Variants in KIF2A observed in about 807,000 individuals in gnomAD.
KIF2A encodes the protein kinesin family member 2A.
In KIF2A, 22 loss-of-function variants were observed where a neutral mutation model predicts 100.2. The observed-to-expected ratio is 0.22, with a 90% confidence interval of 0.16 to 0.31. The LOEUF (loss-of-function observed/expected upper bound fraction) is 0.31. KIF2A is among the 10% of genes least tolerant of loss of function. KIF2A has a pLI of 1.00. For missense variants in KIF2A, 495 were observed against 898.7 expected, an observed-to-expected ratio of 0.55 and a Z score of 5.74; for synonymous variants, 268 against 285.9, an observed-to-expected ratio of 0.94 and a Z score of 0.63.
At chr5:62,348,787 C>T (rs903308658) in intron 3 of KIF2A, among the ~76,000 whole-genome samples, 3 of 152,132 alleles carry the variant, frequency 2.0e-5, no homozygotes, top group African/African-American at 7.2e-5. Flanking sequence ...GGTAGTATTG[C>T]AAAGTTGTTG....
rs1453330225 is a variant in KIF2A, at chr5:62,315,272, GCAACCCACCACAGC to G, written c.64+8740_64+8753del. 2.1e-4 allele frequency among the ~76,000 whole-genome samples: 25 copies of G among 117,524 alleles called. No homozygotes were observed. In the East Asian group the frequency reaches 5.7e-3, roughly 27 times the overall value. 77.1% of individuals were successfully genotyped at this position (117,524 alleles called of 152,430 possible). A position where few individuals can be genotyped will look rare whatever the true frequency, so the allele number is the denominator to read the frequency against. ...ACCAAAAAAAAAAAAAAAAAAAAAA[GCAACCCACCACAGC>G]CAATATCTGGTTCCTTTGCCTAGAG... On this transcript the variant is annotated intron_variant, in intron 1 of 20. Coordinates refer to ENST00000407818, the MANE Select transcript of KIF2A (RefSeq NM_001098511.3).
Position 62,306,413 on chromosome 5 carries a change from CGCCTTTTCCG to C in KIF2A, c.-59_-50del. 1 of 1,261,884 alleles carries C rather than the reference CGCCTTTTCCG, an allele frequency of 7.9e-7. No individual in the cohort carries two copies. Among genetic ancestry groups the C allele is most frequent in the South Asian group, 1.3e-5 (1 of 76,126 alleles). 78.2% of individuals were successfully genotyped at this position (1,261,884 alleles called of 1,614,324 possible). ...TCCCACACCTACCCCGCCCCCTCCC[CGCCTTTTCCG>C]CCCTCCGGTCCCCCTCCCTCGGCCC... On this transcript the variant is annotated 5_prime_UTR_variant, in exon 1 of 21. Coordinates refer to ENST00000407818, the MANE Select transcript of KIF2A (RefSeq NM_001098511.3).
intron 12 of KIF2A, 99 bp from the exon 13 acceptor site, chr5:62,363,079 C>T: frequency 1.0e-6 from 1 of 971,936 alleles, no homozygotes; most frequent in Non-Finnish European, 1.5e-6. Context: ...CCTCCTGCCT[C>T]AGCCTCCCAA....
intron 16 of KIF2A, among the ~76,000 whole-genome samples, chr5:62,368,646 A>G (rs1490337188): frequency 1.3e-5 from 2 of 152,034 alleles, no homozygotes; most frequent in Non-Finnish European, 2.9e-5. Context: ...GCATGGTGGC[A>G]TGCATCTGTA....
intron 14 of KIF2A, among the ~76,000 whole-genome samples, chr5:62,364,574 C>T (rs1452977220): frequency 6.6e-6 from 1 of 152,146 alleles, no homozygotes; most frequent in Non-Finnish European, 1.5e-5. Flanking sequence ...ACATCTTTTC[C>T]TTGAGTAGAA....
At chr5:62,351,112 G>C (rs905787970) in intron 4 of KIF2A, among the ~76,000 whole-genome samples, 1 of 150,068 alleles carries the variant, frequency 6.7e-6, no homozygotes, top group East Asian at 2.0e-4. Context: ...CATACCTGTA[G>C]TCTCAGCTAC....
rs752847652 is a variant in KIF2A, at chr5:62,352,720, T to C, written c.457+10T>C. 6.2e-7 allele frequency: 1 copy of C among 1,608,082 alleles called. No homozygotes were observed. The highest frequency in any genetic ancestry group is 2.2e-5 in the East Asian group (1 of 44,726). On this transcript the variant is annotated intron_variant, in intron 5 of 20. Coordinates refer to ENST00000407818, the MANE Select transcript of KIF2A (RefSeq NM_001098511.3). ...GAATTTGGACCCCCTTGTATGTAAATTATGTATCAAGGATTTAGTCATTTT... is the reference window on the plus strand; with the variant it reads ...GAATTTGGACCCCCTTGTATGTAAACTATGTATCAAGGATTTAGTCATTTT...
At position 62,355,234 on chromosome 5, in the gene KIF2A, C is replaced by A; in HGVS notation, c.634C>A (p.Pro212Thr). The A allele has an allele frequency of 6.4e-7, 1 of 1,551,944 alleles. No homozygotes were observed. Among genetic ancestry groups the A allele is most frequent in the Non-Finnish European group, 8.9e-7 (1 of 1,126,016 alleles). ...CTTTAGAGGAAGTTTGGATTATAGA[C>A]CATTAACAACAGCAGATCCTGTAAG... is the stretch of plus-strand genomic sequence containing the variant. ...RDFRGSLDYR[P>T]LTTADPIDEH... The change falls in exon 7 of 21, where the codon CCA becomes ACA. Residue 212 changes from proline to threonine, a missense_variant. Physicochemically the swap from Pro to Thr is conservative, Grantham distance 38. Transcript: ENST00000407818.
intron 7 of KIF2A, among the ~76,000 whole-genome samples, chr5:62,357,244 C>T (rs894891120): frequency 2.6e-5 from 4 of 151,646 alleles, no homozygotes; most frequent in African/African-American, 4.8e-5. Flanking sequence ...CCACCACTCC[C>T]GGCTAATTTT....
intron 9 of KIF2A, among the ~76,000 whole-genome samples, chr5:62,360,608 C>T (rs1451030974): frequency 6.6e-6 from 1 of 152,060 alleles, no homozygotes; most frequent in Non-Finnish European, 1.5e-5. Flanking sequence ...TCACTTGAAC[C>T]CGGGAGGCGG....
chr5:62,390,825 G>A lies in KIF2A; in HGVS notation c.*5256G>A. On this transcript the variant is annotated 3_prime_UTR_variant, in exon 21 of 21. Coordinates refer to ENST00000407818, the MANE Select transcript of KIF2A (RefSeq NM_001098511.3). ...AAGCCTTTAAAATCTCCAATCTGAA[G>A]GTGTCACAGTAAAGAAATGTAAACA... 2.1e-6 allele frequency: 3 copies of A among 1,439,368 alleles called. No homozygotes were observed. Among genetic ancestry groups the A allele is most frequent in the Non-Finnish European group, 2.9e-6 (3 of 1,022,564 alleles). The allele number at this position is 1,439,368 out of a possible 1,614,324, so 89.2% of individuals were successfully genotyped here. A position where few individuals can be genotyped will look rare whatever the true frequency, so the allele number is the denominator to read the frequency against.
chr5:62,322,584 A>G (rs1368438858), intron 1 of KIF2A, among the ~76,000 whole-genome samples: 6 of 152,208 alleles, frequency 3.9e-5, no homozygotes, highest in African/African-American at 1.2e-4. Flanking sequence ...CAAATTAAGC[A>G]TTTGACAGCA....
intron 1 of KIF2A, among the ~76,000 whole-genome samples, chr5:62,343,577 G>C (rs1305559843): frequency 1.3e-5 from 2 of 152,154 alleles, no homozygotes; most frequent in Non-Finnish European, 2.9e-5. Context: ...TGTGAGATGG[G>C]GGAGTCATTG....
intron 1 of KIF2A, among the ~76,000 whole-genome samples, chr5:62,343,042 G>A (rs989754956): frequency 2.6e-5 from 4 of 152,032 alleles, no homozygotes; most frequent in Admixed American, 6.6e-5. Context: ...GTGAGCCACC[G>A]CACCCAGCCT....
chr5:62,332,656 T>C (rs1746712395), intron 1 of KIF2A, among the ~76,000 whole-genome samples: 1 of 152,156 alleles, frequency 6.6e-6, no homozygotes, highest in Non-Finnish European at 1.5e-5. Flanking sequence ...TTTTTTTAGG[T>C]CAAATGGTTG....
chr5:62,354,810 T>C (rs1265845355), intron 6 of KIF2A, among the ~76,000 whole-genome samples: 2 of 152,170 alleles, frequency 1.3e-5, no homozygotes, highest in African/African-American at 2.4e-5. Context: ...AGTGGTAACA[T>C]GAGCATTATT....
intron 1 of KIF2A, among the ~76,000 whole-genome samples, chr5:62,326,928 C>T (rs568981705): frequency 2.0e-5 from 3 of 152,114 alleles, no homozygotes; most frequent in South Asian, 2.1e-4. Flanking sequence ...GCCGGGGAGG[C>T]GGAGATTGCA....
chr5:62,311,083 G>A (rs972945267), intron 1 of KIF2A, among the ~76,000 whole-genome samples: 2 of 152,144 alleles, frequency 1.3e-5, no homozygotes, highest in African/African-American at 4.8e-5. Context: ...GGTTTTTGGA[G>A]ATAAACTAGT....
At position 62,385,585 on chromosome 5, in the gene KIF2A, TA is replaced by T. The variant is rs1741987348; in HGVS notation, c.*19del. ...TGCCCTTTAAACCGGCATTTGCTGC[TA>T]AAGGATACCCAGAACCCTCACTACT... On this transcript the variant is annotated 3_prime_UTR_variant, in exon 21 of 21. Coordinates refer to ENST00000407818, the MANE Select transcript of KIF2A (RefSeq NM_001098511.3). The T allele has an allele frequency of 6.4e-7, 1 of 1,555,844 alleles. No homozygotes were observed. Among genetic ancestry groups the T allele is most frequent in the Non-Finnish European group, 8.7e-7 (1 of 1,143,332 alleles).
Sources: allele counts gnomAD v4.1 joint callset (sites outside exome capture counted in the v4.1 genomes callset), GRCh38; gene constraint gnomAD v4.1.1; transcripts MANE v1.5; gene names NCBI Gene and HGNC (gene_info 2026-07-23, HGNC 2026-07-21).